FGF10: variants seen among roughly 807,000 people sequenced by gnomAD.
FGF10 encodes fibroblast growth factor 10.
In FGF10, 2 loss-of-function variants were observed where a neutral mutation model predicts 19.8. The ratio of observed to expected loss-of-function variants is 0.10; its 90% CI spans 0.04 to 0.32. FGF10 has a LOEUF of 0.32. Ranked by LOEUF, FGF10 falls within the 10% of genes least tolerant of loss-of-function variation. The pLI, the probability that FGF10 is intolerant of heterozygous loss-of-function variation, is 1.00. For synonymous variants in FGF10, 112 were observed against 94.0 expected, an observed-to-expected ratio of 1.19 and a Z score of -1.10; for missense variants, 191 against 246.3, an observed-to-expected ratio of 0.78 and a Z score of 1.50.
chr5:44,309,480 A>ATCC (rs1433236722), intron 2 of FGF10, among the ~76,000 whole-genome samples: 2 of 152,146 alleles, frequency 1.3e-5, no homozygotes, highest in Non-Finnish European at 2.9e-5. Flanking sequence ...ATTATTTCAT[A>ATCC]TTTGTTAACA....
intron 1 of FGF10, among the ~76,000 whole-genome samples, chr5:44,351,706 T>C (rs577642076): frequency 6.6e-6 from 1 of 151,762 alleles, no homozygotes; most frequent in South Asian, 2.1e-4. Context: ...TTTCTATTAA[T>C]ATTTTACTAC....
intron 1 of FGF10, among the ~76,000 whole-genome samples, chr5:44,342,358 C>G (rs893488408): frequency 6.6e-6 from 1 of 151,792 alleles, no homozygotes; most frequent in African/African-American, 2.4e-5. Context: ...TGTCAAAGGA[C>G]AAAACAATTT....
chr5:44,309,205 T>A (rs973241137), intron 2 of FGF10, among the ~76,000 whole-genome samples: 4 of 152,168 alleles, frequency 2.6e-5, no homozygotes, highest in Non-Finnish European at 4.4e-5. Context: ...CTCCAAAAAA[T>A]TAAATTAAAA....
chr5:44,342,475 A>G (rs2111793329), intron 1 of FGF10, among the ~76,000 whole-genome samples: 1 of 151,704 alleles, frequency 6.6e-6, no homozygotes, highest in African/African-American at 2.4e-5. Flanking sequence ...TCAAGGGAAC[A>G]AGGATTTTGG....
At chr5:44,349,619 A>C (rs1239486526) in intron 1 of FGF10, among the ~76,000 whole-genome samples, 1 of 148,530 alleles carries the variant, frequency 6.7e-6, no homozygotes. Flanking sequence ...TATCAGTTTG[A>C]CTCATACTTC....
chr5:44,323,711 C>A (rs538206372), intron 1 of FGF10, among the ~76,000 whole-genome samples: 7 of 152,238 alleles, frequency 4.6e-5, no homozygotes, highest in African/African-American at 1.7e-4. Flanking sequence ...TGAGTGCAAT[C>A]TGGCACATTA....
intron 1 of FGF10, among the ~76,000 whole-genome samples, chr5:44,383,212 G>T (rs903786322): frequency 5.3e-5 from 8 of 151,912 alleles, no homozygotes; most frequent in Non-Finnish European, 1.0e-4. Flanking sequence ...TTTGCTTCTG[G>T]ACATTAAAGT....
chr5:44,370,887 A>G (rs1741726690), intron 1 of FGF10, among the ~76,000 whole-genome samples: 1 of 152,134 alleles, frequency 6.6e-6, no homozygotes, highest in African/African-American at 2.4e-5. Context: ...GCTTAAAGGT[A>G]GGATGTTAAA....
intron 1 of FGF10, among the ~76,000 whole-genome samples, chr5:44,331,777 G>A (rs1274050358): frequency 6.6e-6 from 1 of 152,090 alleles, no homozygotes; most frequent in East Asian, 1.9e-4. Context: ...CCAGCCGGCT[G>A]TTAATAACAC....
chr5:44,369,767 T>A (rs918019349), intron 1 of FGF10, among the ~76,000 whole-genome samples: 2 of 152,128 alleles, frequency 1.3e-5, no homozygotes, highest in African/African-American at 4.8e-5. Flanking sequence ...TTAACTTACT[T>A]TAAAAATTAC....
intron 1 of FGF10, among the ~76,000 whole-genome samples, chr5:44,312,217 C>T (rs1034164198): frequency 1.3e-5 from 2 of 151,530 alleles, no homozygotes; most frequent in South Asian, 2.1e-4. Flanking sequence ...CACACACACA[C>T]GCACATTTAT....
intron 1 of FGF10, among the ~76,000 whole-genome samples, chr5:44,376,516 A>AAAC: frequency 7.4e-6 from 1 of 134,312 alleles, no homozygotes; most frequent in East Asian, 2.1e-4. Flanking sequence ...AAAAAAAAAA[A>AAAC]ACAAAAAACC....
chr5:44,376,091 A>G lies in FGF10; in HGVS notation c.325+12267T>C, dbSNP rs558072208. ...GCATAAAAGAGTAATGAGAACTAAC[A>G]TTGTCAAACTCTTACATGGTGTTAG... On this transcript the variant is annotated intron_variant, in intron 1 of 2. Coordinates refer to ENST00000264664, the MANE Select transcript of FGF10 (RefSeq NM_004465.2). Among the ~76,000 whole-genome samples, 319 of 152,204 alleles carry G rather than the reference A, an allele frequency of 2.1e-3. 3 individuals are homozygous for G. Among genetic ancestry groups the G allele is most frequent in the African/African-American group, 7.4e-3 (308 of 41,546 alleles).
Position 44,310,514 on chromosome 5 carries a change from T to C in FGF10, c.342A>G (p.Thr114=). 1.2e-6 allele frequency: 2 copies of C among 1,611,064 alleles called. No individual in the cohort carries two copies. The highest frequency in any genetic ancestry group is 1.7e-6 in the Non-Finnish European group (2 of 1,177,736). ...CGGCAACAACTCCGATTTCTACTGA[T>C]GTTATCTCCAGGATGCCTAAAACAT... The part of the protein sequence containing the change: ...ENCPYSILEI[T]SVEIGVVAVK... Residue 114 remains threonine (T), a synonymous_variant, in exon 2 of 3, where the codon ACA becomes ACG. Coordinates refer to ENST00000264664, the MANE Select transcript of FGF10 (RefSeq NM_004465.2).
intron 1 of FGF10, among the ~76,000 whole-genome samples, chr5:44,378,607 A>G (rs1303354125): frequency 6.6e-6 from 1 of 151,960 alleles, no homozygotes; most frequent in Non-Finnish European, 1.5e-5. Context: ...AATTTTTTGT[A>G]TTTTTAGTAG....
chr5:44,342,896 C>T (rs530016006), intron 1 of FGF10, among the ~76,000 whole-genome samples: 1 of 152,020 alleles, frequency 6.6e-6, no homozygotes, highest in Non-Finnish European at 1.5e-5. Flanking sequence ...AGCTCCAAAG[C>T]ATTAATCCTC....
intron 1 of FGF10, among the ~76,000 whole-genome samples, chr5:44,374,695 G>T (rs1437680909): frequency 6.6e-6 from 1 of 151,988 alleles, no homozygotes; most frequent in East Asian, 1.9e-4. Context: ...ACTAAGAATT[G>T]CTCATTTTTT....
intron 1 of FGF10, among the ~76,000 whole-genome samples, chr5:44,357,560 T>C (rs1741377262): frequency 1.3e-5 from 2 of 151,502 alleles, no homozygotes; most frequent in Admixed American, 1.3e-4. Context: ...TTTTACATTT[T>C]ACTGAGAGGT....
intron 1 of FGF10, among the ~76,000 whole-genome samples, chr5:44,379,928 G>A (rs151336486): frequency 1.6e-4 from 24 of 152,000 alleles, no homozygotes; most frequent in South Asian, 2.1e-4. Context: ...GATCTTTACC[G>A]TCTCTCTTGC....
Sources: allele counts gnomAD v4.1 joint callset (sites outside exome capture counted in the v4.1 genomes callset), GRCh38; gene constraint gnomAD v4.1.1; transcripts MANE v1.5; gene names NCBI Gene and HGNC (gene_info 2026-07-23, HGNC 2026-07-21).